CALN1: variants seen among roughly 807,000 people sequenced by gnomAD.
CALN1 encodes calneuron 1.
CALN1 carries 17 observed loss-of-function variants against 30.6 expected under a neutral mutation model. The ratio of observed to expected loss-of-function variants is 0.56; its 90% CI spans 0.38 to 0.83. The LOEUF (loss-of-function observed/expected upper bound fraction) is 0.83, where lower values mean the gene tolerates loss of function less well. CALN1 is among the 40% of genes least tolerant of loss of function. CALN1 has a pLI of 0.00. For synonymous variants in CALN1, 156 were observed against 131.4 expected (o/e 1.19, Z -1.28); for missense variants, 291 against 354.9 (o/e 0.82, Z 1.45).
intron 2 of CALN1, among the ~76,000 whole-genome samples, chr7:72,350,868 A>G (rs1279911038): frequency 6.6e-6 from 1 of 152,176 alleles, no homozygotes; most frequent in African/African-American, 2.4e-5. Context: ...TGGCTGGGTG[A>G]GGTGGCTCAC....
At chr7:72,282,495 C>T (rs1797796958) in intron 2 of CALN1, among the ~76,000 whole-genome samples, 1 of 152,152 alleles carries the variant, frequency 6.6e-6, no homozygotes, top group South Asian at 2.1e-4. Context: ...GCTCCTCCCT[C>T]ACTGATGGGA....
intron 3 of CALN1, among the ~76,000 whole-genome samples, chr7:72,269,263 T>C (rs553324870): frequency 2.0e-5 from 3 of 152,208 alleles, no homozygotes; most frequent in South Asian, 4.2e-4. Flanking sequence ...AATGCGCAGG[T>C]TTGTTACATA....
At chr7:72,030,585 A>G (rs1431900202) in intron 4 of CALN1, among the ~76,000 whole-genome samples, 5 of 152,150 alleles carry the variant, frequency 3.3e-5, no homozygotes, top group African/African-American at 1.2e-4. Flanking sequence ...GGGAACGGAA[A>G]CAAATAGAAT....
intron 3 of CALN1, among the ~76,000 whole-genome samples, chr7:72,149,609 G>A (rs1327214242): frequency 1.3e-5 from 2 of 151,592 alleles, no homozygotes; most frequent in East Asian, 1.9e-4. Context: ...TCCCCTCACC[G>A]TTCCCCACAC....
chr7:72,293,030 T>C (rs902155826), intron 2 of CALN1, among the ~76,000 whole-genome samples: 1 of 152,046 alleles, frequency 6.6e-6, no homozygotes, highest in African/African-American at 2.4e-5. Context: ...TAGCGCCCAC[T>C]CCTATGCTTA....
chr7:72,374,557 A>AG (rs1804433900), intron 2 of CALN1, among the ~76,000 whole-genome samples: 2 of 128,970 alleles, frequency 1.6e-5, no homozygotes, highest in Non-Finnish European at 3.8e-5. Context: ...AGGAAAAAAA[A>AG]GAAAAAAAAA....
chr7:72,244,983 C>T (rs1478808640), intron 3 of CALN1, among the ~76,000 whole-genome samples: 1 of 152,112 alleles, frequency 6.6e-6, no homozygotes, highest in African/African-American at 2.4e-5. Context: ...TGGATGACAT[C>T]ATCAGGCATC....
intron 5 of CALN1, among the ~76,000 whole-genome samples, chr7:71,993,717 A>G (rs528729940): frequency 1.2e-3 from 186 of 152,234 alleles, no homozygotes; most frequent in African/African-American, 4.4e-3. Context: ...TTCGCCTCCC[A>G]AAGTGCTGGG....
intron 2 of CALN1, among the ~76,000 whole-genome samples, chr7:72,392,715 T>C (rs1003220813): frequency 6.6e-6 from 1 of 152,076 alleles, no homozygotes; most frequent in African/African-American, 2.4e-5. Context: ...GTGGCACATA[T>C]CTGTAATCCC....
intron 3 of CALN1, among the ~76,000 whole-genome samples, chr7:72,157,350 C>A (rs1787771229): frequency 6.6e-6 from 1 of 152,118 alleles, no homozygotes; most frequent in Non-Finnish European, 1.5e-5. Flanking sequence ...GTGGCTCACA[C>A]CTGTAATCCC....
At chr7:71,835,027 G>T (rs966648012) in intron 5 of CALN1, among the ~76,000 whole-genome samples, 2 of 152,066 alleles carry the variant, frequency 1.3e-5, no homozygotes, top group Non-Finnish European at 2.9e-5. Context: ...TAGGGACGAG[G>T]TCTCACTATG....
At chr7:72,393,241 G>A (rs973011495) in intron 2 of CALN1, among the ~76,000 whole-genome samples, 2 of 152,162 alleles carry the variant, frequency 1.3e-5, no homozygotes, top group East Asian at 3.9e-4. Flanking sequence ...GCCGAGGCGT[G>A]TGGATCATGA....
chr7:71,815,725 T>TCTTCCTTC (rs547687621), intron 5 of CALN1, among the ~76,000 whole-genome samples: 1 of 150,696 alleles, frequency 6.6e-6, no homozygotes, highest in Non-Finnish European at 1.5e-5. Flanking sequence ...ATCCTTCCTT[T>TCTTCCTTC]CTTCCTTCCT....
intron 5 of CALN1, among the ~76,000 whole-genome samples, chr7:71,905,142 T>C (rs1358917127): frequency 2.6e-5 from 4 of 152,144 alleles, no homozygotes; most frequent in Admixed American, 2.6e-4. Context: ...TTTTAACATG[T>C]TGGCCGGGCT....
intron 3 of CALN1, among the ~76,000 whole-genome samples, chr7:72,162,202 T>A (rs1198516436): frequency 6.6e-6 from 1 of 151,948 alleles, no homozygotes; most frequent in Non-Finnish European, 1.5e-5. Context: ...AGTCACATAA[T>A]CTATTACCTT....
At chr7:71,834,681 CCTT>C (rs1789507135) in intron 5 of CALN1, among the ~76,000 whole-genome samples, 2 of 152,274 alleles carry the variant, frequency 1.3e-5, no homozygotes, top group East Asian at 1.9e-4. Flanking sequence ...TTGGAGACCT[CCTT>C]CTTCTTCCAG....
intron 2 of CALN1, chr7:72,336,621 A>T: frequency 1.1e-6 from 1 of 911,520 alleles, no homozygotes; most frequent in Non-Finnish European, 1.3e-6. Context: ...GGGTTTGGAC[A>T]CCCTAGAGAG....
the CALN1 span, among the ~76,000 whole-genome samples, chr7:72,466,886 G>GA: frequency 1.3e-5 from 2 of 151,592 alleles, no homozygotes; most frequent in African/African-American, 4.8e-5. Context: ...AGGAAAGAAA[G>GA]AAAAGAAAAA....
At chr7:72,498,575 A>G in the CALN1 span, among the ~76,000 whole-genome samples, 1 of 152,192 alleles carries the variant, frequency 6.6e-6, no homozygotes, top group South Asian at 2.1e-4. Context: ...TATGTCCAGT[A>G]AAACTATTCT....
Sources: allele counts gnomAD v4.1 joint callset (sites outside exome capture counted in the v4.1 genomes callset), GRCh38; gene constraint gnomAD v4.1.1; transcripts MANE v1.5; gene names NCBI Gene and HGNC (gene_info 2026-07-23, HGNC 2026-07-21).